Variants in ZNF329 observed in about 807,000 individuals in gnomAD.
ZNF329 encodes the protein zinc finger protein 329.
A neutral mutation model predicts 26.6 loss-of-function variants in ZNF329; 15 were observed. The observed-to-expected ratio is 0.56, with a 90% CI of 0.38 to 0.87. The LOEUF (loss-of-function observed/expected upper bound fraction) is 0.87. Among genes scored for constraint, ZNF329 ranks in the 40% least tolerant of loss-of-function variants. ZNF329 has a pLI of 0.00. For missense variants in ZNF329, 651 were observed against 651.9 expected, an observed-to-expected ratio of 1.00 and a Z score of 0.02; for synonymous variants, 239 against 233.5, an observed-to-expected ratio of 1.02 and a Z score of -0.21.
At chr19:58,143,779 G>A (rs969279267) in intron 1 of ZNF329, among the ~76,000 whole-genome samples, 10 of 152,046 alleles carry the variant, frequency 6.6e-5, no homozygotes, top group Non-Finnish European at 5.9e-5. Flanking sequence ...TTTTTTGAAT[G>A]ATTAGAAATA....
intron 3 of ZNF329, 116 bp from the exon 4 acceptor site, chr19:58,129,627 T>A: frequency 3.2e-6 from 3 of 952,288 alleles, no homozygotes; most frequent in Non-Finnish European, 4.6e-6. Context: ...TTTTCTCTTT[T>A]AAATTCAAAT....
chr19:58,139,704 T>C (rs1475829338), intron 3 of ZNF329, among the ~76,000 whole-genome samples: 1 of 152,120 alleles, frequency 6.6e-6, no homozygotes, highest in African/African-American at 2.4e-5. Flanking sequence ...GGACACTACA[T>C]TCACCCCATA....
chr19:58,146,000 G>GAAGA (rs1555810474), intron 1 of ZNF329, among the ~76,000 whole-genome samples: 4 of 123,232 alleles, frequency 3.2e-5, no homozygotes, highest in African/African-American at 9.3e-5. Context: ...TCAATTTCAT[G>GAAGA]AAAAAAAAAA....
chr19:58,133,617 C>A (rs562558692), intron 3 of ZNF329, among the ~76,000 whole-genome samples: 108 of 151,654 alleles, frequency 7.1e-4, no homozygotes, highest in African/African-American at 2.4e-3. Context: ...AGTTCATTTC[C>A]AAGGATACTA....
chr19:58,146,049 T>A lies in ZNF329; in HGVS notation c.-207-2851A>T, dbSNP rs552621779. Among the ~76,000 whole-genome samples the A allele has an allele frequency of 4.8e-5, 7 of 145,298 alleles. No homozygotes were observed. The South Asian group carries it at 1.5e-3, about 32-fold the overall frequency. ...AGTGCCATTCAAGGTTGAGGAAGAC[T>A]AAAATAACATGACAAGTCAATGTAA... On this transcript the variant is annotated intron_variant, in intron 1 of 3. Coordinates refer to ENST00000598312, the MANE Select transcript of ZNF329 (RefSeq NM_024620.4).
At chr19:58,136,336 T>A (rs184941116) in intron 3 of ZNF329, among the ~76,000 whole-genome samples, 1 of 151,890 alleles carries the variant, frequency 6.6e-6, no homozygotes, top group Admixed American at 6.6e-5. Context: ...ATGCAGCTAA[T>A]AGTTCCTAGA....
intron 3 of ZNF329, among the ~76,000 whole-genome samples, chr19:58,131,072 T>A (rs2074929534): frequency 6.6e-6 from 1 of 152,162 alleles, no homozygotes; most frequent in Admixed American, 6.5e-5. Context: ...CATACATATA[T>A]GTCTACATTC....
Position 58,127,722 on chromosome 19 carries a change from G to A in ZNF329, c.*156C>T. On this transcript the variant is annotated 3_prime_UTR_variant, in exon 4 of 4. Transcript: ENST00000598312. ...TGTCTCTGGAGTTCCCCAATGAGCA[G>A]ACTTAACAGTGTGGCTCAGCAATGT... The A allele has an allele frequency of 1.3e-6, 1 of 752,708 alleles. No individual in the cohort carries two copies. The highest frequency in any genetic ancestry group is 2.1e-6 in the Non-Finnish European group (1 of 475,690). 46.6% of individuals were successfully genotyped at this position (752,708 alleles called of 1,614,324 possible). A position where few individuals can be genotyped will look rare whatever the true frequency, so the allele number is the denominator to read the frequency against.
upstream of ZNF329, among the ~76,000 whole-genome samples, chr19:58,151,439 A>G (rs2075450770): frequency 6.6e-6 from 1 of 151,934 alleles, no homozygotes; most frequent in Non-Finnish European, 1.5e-5. Flanking sequence ...CGTCTCCACT[A>G]AAAATACAAA....
chr19:58,151,052 A>C (rs1038437971), upstream of ZNF329, among the ~76,000 whole-genome samples: 25 of 152,332 alleles, frequency 1.6e-4, no homozygotes, highest in Admixed American at 1.6e-3. Context: ...TTTTTTTGAG[A>C]TAATAATGTT....
In ZNF329 at chr19:58,128,465, T is replaced by C; in HGVS notation, c.1039A>G (p.Lys347Glu). Residue 347 changes from lysine (K) to glutamate (E), a missense_variant, in exon 4 of 4, where the codon AAA becomes GAA. Transcript: ENST00000598312. ...HTGEKPYECS[K>E]CGKAFRDGSY... Reference sequence around the variant, plus strand: ...CCGTCCCGGAAAGCCTTTCCACATTTGCTACACTCATAGGGCTTCTCACCG... The same window carrying C: ...CCGTCCCGGAAAGCCTTTCCACATTCGCTACACTCATAGGGCTTCTCACCG... The C allele has an allele frequency of 6.2e-7, 1 of 1,612,456 alleles. No individual in the cohort carries two copies. Among genetic ancestry groups the C allele is most frequent in the Admixed American group, 1.7e-5 (1 of 59,886 alleles).
chr19:58,140,116 G>A (rs1036024188), intron 3 of ZNF329, among the ~76,000 whole-genome samples: 3 of 152,164 alleles, frequency 2.0e-5, no homozygotes, highest in Non-Finnish European at 2.9e-5. Context: ...CCTACCAGGA[G>A]GGGTTTGGGT....
chr19:58,153,867 C>G (rs897920716), upstream of ZNF329, among the ~76,000 whole-genome samples: 1 of 152,072 alleles, frequency 6.6e-6, no homozygotes, highest in African/African-American at 2.4e-5. Flanking sequence ...CACCACCATG[C>G]CTGGCTAATT....
chr19:58,137,752 T>C (rs2075102938), intron 3 of ZNF329, among the ~76,000 whole-genome samples: 1 of 141,818 alleles, frequency 7.1e-6, no homozygotes, highest in African/African-American at 2.7e-5. Context: ...CTGCTTGAGG[T>C]CAGGAGTTTG....
In ZNF329 at chr19:58,129,490, A is replaced by G. The variant is rs2074889001; in HGVS notation, c.14T>C (p.Met5Thr). The change falls in exon 4 of 4, where the codon ATG becomes ACG. Residue 5 changes from methionine (M) to threonine (T), a missense_variant. Met to Thr is a moderately conservative substitution (Grantham distance 81). Coordinates refer to ENST00000598312, the MANE Select transcript of ZNF329 (RefSeq NM_024620.4). ...TCTCTCAGGAAAATTCCGAGTCGTC[A>G]TTTTCAATCTCATATCCCAAACTGC... MRLKMTTRNFPEREV... is the reference protein window; with the variant it reads MRLKTTTRNFPEREV... 1 of 1,594,058 alleles carries G rather than the reference A, an allele frequency of 6.3e-7. No homozygotes were observed.
chr19:58,138,789 G>C (rs1008397735), intron 3 of ZNF329, among the ~76,000 whole-genome samples: 1 of 152,090 alleles, frequency 6.6e-6, no homozygotes, highest in African/African-American at 2.4e-5. Context: ...ATGAGGCCAG[G>C]AGTTTGAGAA....
rs991461750 is a variant in ZNF329, at chr19:58,150,738, G to A, written c.-208+14C>T. On this transcript the variant is annotated intron_variant, in intron 1 of 3. Transcript: ENST00000598312. ...CGGAGGCAGCGCAGGGCTCAGGGAT[G>A]CGTCGGCACTTACGGTTGGCGGCCG... 2 of 152,736 alleles carry A rather than the reference G, an allele frequency of 1.3e-5. No homozygotes were observed. The highest frequency in any genetic ancestry group is 2.9e-5 in the Non-Finnish European group (2 of 68,064). 9.5% of individuals were successfully genotyped at this position (152,736 alleles called of 1,614,324 possible). A position where few individuals can be genotyped will look rare whatever the true frequency, so the allele number is the denominator to read the frequency against.
At chr19:58,152,168 T>C (rs1407318477), upstream of ZNF329, among the ~76,000 whole-genome samples, 4 of 152,182 alleles carry the variant, frequency 2.6e-5, no homozygotes, top group African/African-American at 9.7e-5. Flanking sequence ...TTAACAGACC[T>C]GAAGTTAAGT....
chr19:58,140,874 A>ATTTTTTTTT (rs34583536), intron 3 of ZNF329, among the ~76,000 whole-genome samples: 24 of 133,934 alleles, frequency 1.8e-4, no homozygotes, highest in African/African-American at 6.4e-4. Context: ...ATCACACATA[A>ATTTTTTTTT]TTTTTTTTTT....
Sources: gnomAD v4.1 joint callset for allele counts (sites outside exome capture counted in the v4.1 genomes callset) on GRCh38, gnomAD v4.1.1 for gene constraint, MANE v1.5 for transcripts, NCBI Gene and HGNC (gene_info 2026-07-23, HGNC 2026-07-21) for gene names.